The following BRDT variants were observed in gnomAD, a reference collection of about 807,000 sequenced individuals.
BRDT encodes bromodomain testis-specific protein.
A neutral mutation model predicts 113.9 loss-of-function variants in BRDT; 77 were observed. That is an observed-to-expected ratio of 0.68 (90% CI 0.56 to 0.82). BRDT has a LOEUF of 0.82. BRDT is among the 40% of genes least tolerant of loss of function. The pLI, the probability that BRDT is intolerant of heterozygous loss-of-function variation, is 0.00. For missense variants in BRDT, 1,027 were observed against 1,105.4 expected (o/e 0.93, Z 1.01); for synonymous variants, 358 against 366.5 (o/e 0.98, Z 0.26).
intron 16 of BRDT, 107 bp downstream of exon 16, chr1:92,002,256 C>A: frequency 1.3e-6 from 1 of 758,978 alleles, no homozygotes; most frequent in Non-Finnish European, 2.1e-6. Context: ...AATGTTGGAT[C>A]TCTAAGCCTA....
chr1:91,977,144 G>A lies in BRDT; in HGVS notation c.720G>A (p.Val240=), dbSNP rs1483048906. 1.2e-6 allele frequency: 2 copies of A among 1,613,926 alleles called. No homozygotes were observed. Among genetic ancestry groups the A allele is most frequent in the Admixed American group, 1.7e-5 (1 of 60,002 alleles). Residue 240 remains valine (V), a synonymous_variant, in exon 6 of 19, where the codon GTG becomes GTA. Transcript: ENST00000399546. ...CTCCAACATTCACAGAAAAATCAGT[G>A]GCACTGCCACCTATAAAAGAAAATA... ...EFSPTFTEKS[V]ALPPIKENMP... is the part of the protein sequence containing the mutation.
rs768426312 is a variant in BRDT at position 92,014,322 on chromosome 1, T to G, written c.*48T>G. 1 of 1,257,262 alleles carries G rather than the reference T, an allele frequency of 8.0e-7. No homozygotes were observed. Among genetic ancestry groups the G allele is most frequent in the East Asian group, 2.4e-5 (1 of 40,966 alleles). The allele number at this position is 1,257,262 out of a possible 1,614,324, so 77.9% of individuals were successfully genotyped here. ...TCAACTTAAAATGAATGGTAAAAGATCAAAATGCATATGGTAAAATGATTG... is the reference window on the plus strand; with the variant it reads ...TCAACTTAAAATGAATGGTAAAAGAGCAAAATGCATATGGTAAAATGATTG... On this transcript the variant is annotated 3_prime_UTR_variant, in exon 19 of 19. Coordinates refer to ENST00000399546, the MANE Select transcript of BRDT (RefSeq NM_207189.4).
intron 1 of BRDT, among the ~76,000 whole-genome samples, chr1:91,951,474 G>A (rs1368932304): frequency 6.6e-6 from 1 of 151,982 alleles, no homozygotes; most frequent in Non-Finnish European, 1.5e-5. Flanking sequence ...CAGGGTGGCG[G>A]GGGGGCGTGT....
At chr1:91,964,570 T>A in intron 2 of BRDT, 57 bp from the exon 3 acceptor site, 4 of 1,087,536 alleles carry the variant, frequency 3.7e-6, no homozygotes, top group Non-Finnish European at 5.0e-6. Context: ...TCTTTGTGTA[T>A]CAATAGTTGT....
intron 4 of BRDT, among the ~76,000 whole-genome samples, chr1:91,971,932 C>T (rs1683664978): frequency 6.6e-6 from 1 of 152,004 alleles, no homozygotes; most frequent in Non-Finnish European, 1.5e-5. Flanking sequence ...GGGTTAGTCT[C>T]ATTACCCTAT....
intron 7 of BRDT, among the ~76,000 whole-genome samples, chr1:91,978,759 G>C (rs1039298313): frequency 9.2e-5 from 14 of 152,088 alleles, no homozygotes; most frequent in African/African-American, 3.1e-4. Context: ...CCAGCACTTT[G>C]GGAGGCCGAG....
At chr1:92,001,088 A>G (rs374883856) in intron 15 of BRDT, among the ~76,000 whole-genome samples, 11 of 152,008 alleles carry the variant, frequency 7.2e-5, no homozygotes, top group African/African-American at 2.4e-4. Context: ...TTTGTCTCCA[A>G]TTGGCCACCC....
intron 8 of BRDT, 28 bp downstream of exon 8, chr1:91,979,785 G>A: frequency 6.4e-7 from 1 of 1,573,252 alleles, no homozygotes; most frequent in East Asian, 2.2e-5. Flanking sequence ...TACAAATTTT[G>A]ATAATCTATG....
intron 15 of BRDT, among the ~76,000 whole-genome samples, chr1:91,997,172 G>C (rs1453018967): frequency 6.6e-6 from 1 of 152,068 alleles, no homozygotes; most frequent in Non-Finnish European, 1.5e-5. Flanking sequence ...CATTTAAGTA[G>C]GATGAGGAAT....
Position 91,980,911 on chromosome 1 carries a change from C to T in BRDT, c.1483C>T (p.Gln495Ter). ...CAGTCAGCCAAAGAAAAGGAAACAA[C>T]AGTTCATTGGTCTAAAATCTGAAGA... ...KRNQPKKRKQQFIGLKSEDED... is the reference protein window; with the variant it reads ...KRNQPKKRKQ Residue 495 changes from glutamine (Q) to a stop codon, truncating the protein, a stop_gained, in exon 10 of 19, where the codon CAG (glutamine) becomes TAG (stop). Coordinates refer to ENST00000399546, the MANE Select transcript of BRDT (RefSeq NM_207189.4). LOFTEE classifies it high-confidence loss of function. The T allele has an allele frequency of 6.2e-7, 1 of 1,607,980 alleles. No homozygotes were observed. Among genetic ancestry groups the T allele is most frequent in the Non-Finnish European group, 8.5e-7 (1 of 1,178,400 alleles).
chr1:91,952,146 G>A (rs1681164993), intron 1 of BRDT: 1 of 152,214 alleles, frequency 6.6e-6, no homozygotes, highest in African/African-American at 2.4e-5. Flanking sequence ...TTGGAAAATG[G>A]TATCCTGGAA....
chr1:91,958,675 C>T (rs1325404399), intron 1 of BRDT, among the ~76,000 whole-genome samples: 8 of 151,988 alleles, frequency 5.3e-5, no homozygotes, highest in African/African-American at 1.9e-4. Context: ...TTTTGTGTGG[C>T]AAGGTATTTT....
In BRDT at chr1:91,991,252, G is replaced by A. The variant is rs1350742776; in HGVS notation, c.2064+7G>A. On this transcript the variant is annotated splice_region_variant and intron_variant, in intron 13 of 18. Coordinates refer to ENST00000399546, the MANE Select transcript of BRDT (RefSeq NM_207189.4). ...TTCTAAAGAGAATGTAAAGGTAAGT[G>A]AATTCTTTATTTGTATCTGAATTTT... 22 of 1,486,494 alleles carry A rather than the reference G, an allele frequency of 1.5e-5. No homozygotes were observed. The Admixed American group carries it at 4.1e-4, about 28-fold the overall frequency. The allele number at this position is 1,486,494 out of a possible 1,614,324, so 92.1% of individuals were successfully genotyped here.
intron 12 of BRDT, among the ~76,000 whole-genome samples, chr1:91,986,321 GAAAA>G (rs572769233): frequency 1.3e-4 from 20 of 150,682 alleles, no homozygotes; most frequent in Admixed American, 2.6e-4. Context: ...ATGATACTGA[GAAAA>G]AAAAATCAAA....
intron 1 of BRDT, chr1:91,950,687 T>TTTG (rs1436951527): frequency 7.4e-6 from 1 of 134,776 alleles, no homozygotes; most frequent in Non-Finnish European, 1.6e-5. Flanking sequence ...ATAATTGCTT[T>TTTG]TTTTTTTTTT....
At position 91,962,434 on chromosome 1, in the gene BRDT, A is replaced by G. The variant is rs570016149; in HGVS notation, c.-37-284A>G. On this transcript the variant is annotated intron_variant, in intron 1 of 18. Coordinates refer to ENST00000399546, the MANE Select transcript of BRDT (RefSeq NM_207189.4). ...CTGTAACCTCTGCCTCCCGGATTTA[A>G]GGGATTCTCCCTCCTCACCCTCCTA... is the stretch of plus-strand genomic sequence containing the variant. 3.9e-5 allele frequency among the ~76,000 whole-genome samples: 6 copies of G among 152,118 alleles called. No homozygotes were observed. The South Asian group carries it at 1.2e-3, about 32-fold the overall frequency.
chr1:91,978,481 T>C (rs6664228), intron 7 of BRDT, among the ~76,000 whole-genome samples, 185 bp downstream of exon 7: 10,220 of 152,110 alleles, frequency 0.067, 407 homozygotes, highest in African/African-American at 0.097. Flanking sequence ...ACTGAGAGGG[T>C]TGTGTGTTTT....
At chr1:91,979,525 A>T in intron 7 of BRDT, 44 bp from the exon 8 acceptor site, 1 of 1,554,110 alleles carries the variant, frequency 6.4e-7, no homozygotes, top group Non-Finnish European at 8.7e-7. Context: ...GCTGGATTAA[A>T]TAAAAAATAC....
At chr1:91,978,997 C>CAAAAAA (rs774952902) in intron 7 of BRDT, among the ~76,000 whole-genome samples, 12 of 77,090 alleles carry the variant, frequency 1.6e-4, no homozygotes, top group Non-Finnish European at 2.9e-4. Context: ...GACTACGTCT[C>CAAAAAA]AAAAAAAAAA....
Sources: gnomAD v4.1 joint callset for allele counts (sites outside exome capture counted in the v4.1 genomes callset) on GRCh38, gnomAD v4.1.1 for gene constraint, MANE v1.5 for transcripts, NCBI Gene and HGNC (gene_info 2026-07-23, HGNC 2026-07-21) for gene names.